The following SMAD1 variants were observed in gnomAD, a reference collection of about 807,000 sequenced individuals.
SMAD1 encodes MAD, mothers against decapentaplegic homolog 1.
In SMAD1, 6 loss-of-function variants were observed where a neutral mutation model predicts 41.6. That is an observed-to-expected ratio of 0.14 (90% CI 0.08 to 0.28). The LOEUF (loss-of-function observed/expected upper bound fraction) is 0.28, where lower values mean the gene tolerates loss of function less well. Among genes scored for constraint, SMAD1 ranks in the 10% least tolerant of loss-of-function variants. The pLI is 1.00. For synonymous variants in SMAD1, 206 were observed against 203.2 expected (o/e 1.01, Z -0.12); for missense variants, 379 against 582.6 (o/e 0.65, Z 3.60).
At chr4:145,502,947 G>A (rs1290638632) in intron 1 of SMAD1, 2 of 152,220 alleles carry the variant, frequency 1.3e-5, no homozygotes. Flanking sequence ...GAGACTGGAA[G>A]ACTTGCTGTC....
rs1732278369 is a variant in SMAD1 at position 145,546,841 on chromosome 4, A to G, written c.914A>G (p.Asn305Ser). ...LVDGFTDPSNNKNRFCLGLLS... is the reference protein window; with the variant it reads ...LVDGFTDPSNSKNRFCLGLLS... ...GATGGTTTCACTGATCCTTCCAACA[A>G]TAAGAACCGTTTCTGCCTTGGGCTG... The change falls in exon 5 of 7, where the codon AAT (asparagine) becomes AGT (serine). Residue 305 changes from asparagine to serine, a missense_variant. By Grantham distance (46) the Asn-to-Ser change is conservative (BLOSUM62 1). Transcript: ENST00000302085. 1.1e-5 allele frequency: 17 copies of G among 1,614,184 alleles called. No homozygotes were observed. The East Asian group carries it at 3.3e-4, about 32-fold the overall frequency.
chr4:145,504,304 T>C (rs1172700752), intron 1 of SMAD1, among the ~76,000 whole-genome samples: 1 of 152,206 alleles, frequency 6.6e-6, no homozygotes, highest in East Asian at 1.9e-4. Context: ...TCAAAGAACA[T>C]TGCTACTTTA....
intron 2 of SMAD1, among the ~76,000 whole-genome samples, chr4:145,516,086 T>A (rs2126418265): frequency 6.6e-6 from 1 of 152,338 alleles, no homozygotes; most frequent in Admixed American, 6.5e-5. Context: ...CCCCTACTCA[T>A]TTTAAGAAAT....
chr4:145,525,070 G>T (rs567008865), intron 2 of SMAD1, among the ~76,000 whole-genome samples: 2 of 152,184 alleles, frequency 1.3e-5, no homozygotes, highest in Non-Finnish European at 2.9e-5. Context: ...GGAGTGCCCG[G>T]TGGCCTTGCT....
At chr4:145,521,074 A>G (rs1730717736) in intron 2 of SMAD1, among the ~76,000 whole-genome samples, 1 of 152,228 alleles carries the variant, frequency 6.6e-6, no homozygotes. Context: ...GGAAAGAGAA[A>G]GTTCGTGGAG....
chr4:145,510,452 C>T (rs1730016052), intron 1 of SMAD1, among the ~76,000 whole-genome samples: 1 of 152,082 alleles, frequency 6.6e-6, no homozygotes, highest in Non-Finnish European at 1.5e-5. Flanking sequence ...GATATTTTTA[C>T]AATCATTCAG....
At chr4:145,488,721 A>G (rs1006995428) in intron 1 of SMAD1, among the ~76,000 whole-genome samples, 2 of 152,204 alleles carry the variant, frequency 1.3e-5, no homozygotes, top group African/African-American at 4.8e-5. Flanking sequence ...AAGGAGGGAT[A>G]TTAAATGGGC....
At chr4:145,496,429 A>G (rs1355999321) in intron 1 of SMAD1, among the ~76,000 whole-genome samples, 1 of 152,182 alleles carries the variant, frequency 6.6e-6, no homozygotes, top group Non-Finnish European at 1.5e-5. Context: ...AAAGTGCTCA[A>G]AACAGTGCGT....
At chr4:145,515,770 C>T (rs1201351931) in intron 2 of SMAD1, among the ~76,000 whole-genome samples, 56 of 152,046 alleles carry the variant, frequency 3.7e-4, no homozygotes, top group Non-Finnish European at 1.2e-4. Context: ...GTCTCATTGT[C>T]GATTGGGACC....
At chr4:145,491,170 G>A (rs1036239099) in intron 1 of SMAD1, among the ~76,000 whole-genome samples, 9 of 152,158 alleles carry the variant, frequency 5.9e-5, no homozygotes, top group African/African-American at 2.2e-4. Context: ...AAAGAGATTT[G>A]CAACAAGATA....
chr4:145,528,131 TCTCA>T (rs1453355937), intron 2 of SMAD1, among the ~76,000 whole-genome samples: 1 of 150,246 alleles, frequency 6.7e-6, no homozygotes, highest in African/African-American at 2.5e-5. Context: ...TGAAATTGAG[TCTCA>T]CTCTGTCACC....
chr4:145,485,852 T>C (rs1728455466), intron 1 of SMAD1, among the ~76,000 whole-genome samples: 1 of 152,196 alleles, frequency 6.6e-6, no homozygotes, highest in Non-Finnish European at 1.5e-5. Context: ...CCATATCTCA[T>C]TTAAGCCTCA....
rs536342963 is a variant in SMAD1 at position 145,553,623 on chromosome 4, C to CG, written c.998-156dup. On this transcript the variant is annotated intron_variant, in intron 5 of 6. Transcript: ENST00000302085. ...ACGGACTGATACTGGTCCATGGCCC[C>CG]GGGGGTTGGGAACTCCTGTTGTACA... Among the ~76,000 whole-genome samples, 6 of 152,228 alleles carry CG rather than the reference C, an allele frequency of 3.9e-5. No individual in the cohort carries two copies. In the South Asian group the frequency reaches 1.0e-3, roughly 26 times the overall value.
chr4:145,544,592 A>AG, intron 4 of SMAD1: 1 of 152,412 alleles, frequency 6.6e-6, no homozygotes, highest in Non-Finnish European at 1.5e-5. Context: ...AAAAAAAAAA[A>AG]AGAAAAAAAA....
chr4:145,535,414 A>AG (rs1731556681), intron 2 of SMAD1, among the ~76,000 whole-genome samples: 1 of 152,224 alleles, frequency 6.6e-6, no homozygotes, highest in Non-Finnish European at 1.5e-5. Context: ...TTCTGGTAAA[A>AG]TATTGTGAAA....
At chr4:145,550,892 G>A (rs1172821211) in intron 5 of SMAD1, among the ~76,000 whole-genome samples, 1 of 152,088 alleles carries the variant, frequency 6.6e-6, no homozygotes, top group African/African-American at 2.4e-5. Context: ...GAATAAATAG[G>A]CAGTCTGTGT....
In SMAD1 at chr4:145,553,860, G is replaced by T. The variant is rs755475612; in HGVS notation, c.1074G>T (p.Arg358=). The T allele has an allele frequency of 5.6e-6, 9 of 1,613,956 alleles. No homozygotes were observed. The highest frequency in any genetic ancestry group is 4.5e-5 in the East Asian group (2 of 44,902). The change falls in exon 6 of 7, where the codon CGG becomes CGT. Residue 358 remains arginine (R), a synonymous_variant. Transcript: ENST00000302085. ...LSDSSIFVQS[R]NCNYHHGFHP... ...ACAGTAGCATCTTTGTGCAAAGTCG[G>T]AACTGCAACTACCATCATGGATTTC... is the stretch of plus-strand genomic sequence containing the variant.
rs778951595 is a variant in SMAD1 at position 145,558,288 on chromosome 4, A to G, written c.*354A>G. 3.3e-5 allele frequency among the ~76,000 whole-genome samples: 5 copies of G among 152,182 alleles called. No individual in the cohort carries two copies. The highest frequency in any genetic ancestry group is 1.3e-4 in the Admixed American group (2 of 15,286). ...GAGATTCTTTGGTGTTTGGCACTTT[A>G]AGGTCATCGTTGGGCAGAAGTTTAG... On this transcript the variant is annotated 3_prime_UTR_variant, in exon 7 of 7. Coordinates refer to ENST00000302085, the MANE Select transcript of SMAD1 (RefSeq NM_005900.3).
chr4:145,556,691 C>T, intron 6 of SMAD1, among the ~76,000 whole-genome samples: 1 of 151,956 alleles, frequency 6.6e-6, no homozygotes, highest in East Asian at 1.9e-4. Flanking sequence ...ACTCCTGACC[C>T]CAAGTGATCA....
Sources: allele counts gnomAD v4.1 joint callset (sites outside exome capture counted in the v4.1 genomes callset), GRCh38; gene constraint gnomAD v4.1.1; transcripts MANE v1.5; gene names NCBI Gene and HGNC (gene_info 2026-07-23, HGNC 2026-07-21).